Variants in ARMH3 observed in about 807,000 individuals in gnomAD.
The protein encoded by ARMH3 is armadillo like helical domain containing 3.
In ARMH3, 60 loss-of-function variants were observed where a neutral mutation model predicts 99.1. That is an observed-to-expected ratio of 0.61 (90% CI 0.49 to 0.75). ARMH3 has a LOEUF of 0.75. ARMH3 is among the 30% of genes least tolerant of loss of function. The pLI is 0.00. For missense variants in ARMH3, 679 were observed against 843.1 expected (o/e 0.81, Z 2.41); for synonymous variants, 285 against 292.8 (o/e 0.97, Z 0.27).
chr10:101,888,056 C>A, intron 24 of ARMH3, among the ~76,000 whole-genome samples: 1 of 143,148 alleles, frequency 7.0e-6, no homozygotes, highest in African/African-American at 2.6e-5. Flanking sequence ...GAGTAAATGT[C>A]TCCTTTTTTT....
chr10:101,910,942 T>C (rs951918669), intron 23 of ARMH3, among the ~76,000 whole-genome samples: 10 of 151,466 alleles, frequency 6.6e-5, no homozygotes, highest in African/African-American at 1.9e-4. Flanking sequence ...GAGTTCGAGA[T>C]GAGCCTGGCC....
chr10:102,001,830 T>A, intron 15 of ARMH3, 141 bp downstream of exon 15: 1 of 721,278 alleles, frequency 1.4e-6, no homozygotes, highest in Non-Finnish European at 2.3e-6. Flanking sequence ...GAGACATCAC[T>A]ATTTTCCAGC....
intron 20 of ARMH3, among the ~76,000 whole-genome samples, chr10:101,971,172 A>G (rs1230648646): frequency 1.3e-5 from 2 of 152,052 alleles, no homozygotes; most frequent in Non-Finnish European, 2.9e-5. Flanking sequence ...TATGCTATAG[A>G]AAACACTCCA....
chr10:102,038,144 G>A (rs2067322328), intron 2 of ARMH3, among the ~76,000 whole-genome samples: 1 of 146,552 alleles, frequency 6.8e-6, no homozygotes, highest in South Asian at 2.2e-4. Context: ...GCCCAGGCTG[G>A]AGTGCAGTGG....
At chr10:101,965,595 T>A (rs997005068) in intron 20 of ARMH3, among the ~76,000 whole-genome samples, 2 of 152,234 alleles carry the variant, frequency 1.3e-5, no homozygotes, top group African/African-American at 2.4e-5. Flanking sequence ...TTTCATCTGT[T>A]ATACTTAATG....
chr10:101,994,511 A>C lies in ARMH3; in HGVS notation c.1209+786T>G, dbSNP rs114459230. Among the ~76,000 whole-genome samples, 1,159 of 152,312 alleles carry C rather than the reference A, an allele frequency of 7.6e-3. 9 individuals are homozygous for C. Among genetic ancestry groups the C allele is most frequent in the African/African-American group, 0.027 (1,104 of 41,566 alleles). ...AGGTTGAAGCTATAAATTTAGCTCT[A>C]AACTCACTCAAGTTCTGCCATGCCT... On this transcript the variant is annotated intron_variant, in intron 16 of 25. Transcript: ENST00000370033.
At chr10:102,024,217 G>C (rs914442207) in intron 6 of ARMH3, among the ~76,000 whole-genome samples, 4 of 151,756 alleles carry the variant, frequency 2.6e-5, no homozygotes, top group African/African-American at 9.7e-5. Flanking sequence ...TAGGGAGGCT[G>C]AAGTGGGTGG....
chr10:101,986,954 C>T (rs755635205), intron 19 of ARMH3, among the ~76,000 whole-genome samples: 39 of 152,142 alleles, frequency 2.6e-4, no homozygotes, highest in Middle Eastern at 3.4e-3. Flanking sequence ...GTGGAAAAAG[C>T]GCCTAAGAAA....
intron 15 of ARMH3, among the ~76,000 whole-genome samples, chr10:101,999,483 C>T (rs796084349): frequency 3.9e-5 from 6 of 152,052 alleles, no homozygotes; most frequent in African/African-American, 1.4e-4. Context: ...TGAGCCACAG[C>T]GCCCAGCCAA....
chr10:101,874,475 C>G (rs942720197), intron 24 of ARMH3, among the ~76,000 whole-genome samples: 1 of 152,118 alleles, frequency 6.6e-6, no homozygotes, highest in African/African-American at 2.4e-5. Context: ...TCTTCCCCAC[C>G]ACCCCTGAAC....
chr10:102,043,438 G>A (rs752471651), intron 1 of ARMH3, among the ~76,000 whole-genome samples: 4 of 152,152 alleles, frequency 2.6e-5, no homozygotes, highest in Non-Finnish European at 5.9e-5. Flanking sequence ...GGCACTATAG[G>A]ATTAAAGAGA....
At chr10:101,881,553 G>GT (rs1188617231) in intron 24 of ARMH3, among the ~76,000 whole-genome samples, 7 of 151,720 alleles carry the variant, frequency 4.6e-5, no homozygotes, top group South Asian at 2.1e-4. Context: ...CATGTGTGGG[G>GT]TTTTTTTTAA....
rs5787448 is a variant in ARMH3, at chr10:101,935,174, A to AATATATATATATATATATATAT, written c.1781+4667_1781+4688dup. 6.7e-3 allele frequency among the ~76,000 whole-genome samples: 784 copies of AATATATATATATATATATATAT among 116,932 alleles called. 10 individuals are homozygous for AATATATATATATATATATATAT. Among genetic ancestry groups the AATATATATATATATATATATAT allele is most frequent in the Middle Eastern group, 0.025 (5 of 200 alleles). 76.7% of individuals were successfully genotyped at this position (116,932 alleles called of 152,430 possible). A position where few individuals can be genotyped will look rare whatever the true frequency, so the allele number is the denominator to read the frequency against. On this transcript the variant is annotated intron_variant, in intron 23 of 25. Transcript: ENST00000370033. ...AGAAGCGGAATCTCAAAGGTGGAGC[A>AATATATATATATATATATATAT]ATATATATATATATATATATATATA...
chr10:102,030,770 T>C (rs2067111252), intron 4 of ARMH3, among the ~76,000 whole-genome samples: 1 of 151,174 alleles, frequency 6.6e-6, no homozygotes, highest in Non-Finnish European at 1.5e-5. Flanking sequence ...GTTTTTTTTG[T>C]TTTGTTTTGT....
chr10:102,039,262 A>G (rs1312028160), intron 2 of ARMH3, among the ~76,000 whole-genome samples: 1 of 151,824 alleles, frequency 6.6e-6, no homozygotes, highest in Non-Finnish European at 1.5e-5. Context: ...CTTGTGCCTC[A>G]GCCTCCCGAA....
At chr10:102,029,381 T>C (rs963101717) in intron 5 of ARMH3, 3 of 1,326,816 alleles carry the variant, frequency 2.3e-6, no homozygotes, top group African/African-American at 1.5e-5. Flanking sequence ...TGTATGATCA[T>C]ATGATACGAG....
intron 8 of ARMH3, among the ~76,000 whole-genome samples, chr10:102,020,683 GAAAAAAAA>G (rs897977927): frequency 1.1e-5 from 1 of 87,570 alleles, no homozygotes; most frequent in East Asian, 3.3e-4. Flanking sequence ...CTCCATCTCA[GAAAAAAAA>G]AAAAAAAAAA....
At chr10:101,989,790 C>A (rs778173568) in intron 19 of ARMH3, among the ~76,000 whole-genome samples, 1 of 152,306 alleles carries the variant, frequency 6.6e-6, no homozygotes, top group Middle Eastern at 3.4e-3. Context: ...GCAGGACTCT[C>A]CCGGCGAGGC....
At chr10:102,000,890 C>T (rs768252092) in intron 15 of ARMH3, among the ~76,000 whole-genome samples, 3 of 152,054 alleles carry the variant, frequency 2.0e-5, no homozygotes, top group African/African-American at 2.4e-5. Context: ...GATCTCAACT[C>T]TCTACAACCT....
Sources: gnomAD v4.1 joint callset for allele counts (sites outside exome capture counted in the v4.1 genomes callset) on GRCh38, gnomAD v4.1.1 for gene constraint, MANE v1.5 for transcripts, NCBI Gene and HGNC (gene_info 2026-07-23, HGNC 2026-07-21) for gene names.